SCN11A: variants seen among roughly 807,000 people sequenced by gnomAD.
The protein encoded by SCN11A is sodium voltage-gated channel alpha subunit 11.
A neutral mutation model predicts 162.2 loss-of-function variants in SCN11A; 122 were observed. The ratio of observed to expected loss-of-function variants is 0.75; its 90% CI spans 0.65 to 0.87. The LOEUF (loss-of-function observed/expected upper bound fraction) is 0.87, where lower values mean the gene tolerates loss of function less well. Ranked by LOEUF, SCN11A falls within the 40% of genes least tolerant of loss-of-function variation. The probability of loss-of-function intolerance (pLI) is 0.00; values close to 1 mark genes in which losing one functional copy is unlikely to be tolerated. For missense variants in SCN11A, 2,015 were observed against 2,181.6 expected (o/e 0.92, Z 1.52); for synonymous variants, 758 against 751.5 (o/e 1.01, Z -0.14).
intron 14 of SCN11A, among the ~76,000 whole-genome samples, chr3:38,907,207 T>C (rs1418583403): frequency 6.6e-6 from 1 of 151,784 alleles, no homozygotes; most frequent in Non-Finnish European, 1.5e-5. Flanking sequence ...CCTGTCTTCC[T>C]TAGTGCACAG....
At chr3:38,932,252 G>A (rs553276248) in intron 7 of SCN11A, among the ~76,000 whole-genome samples, 5 of 152,308 alleles carry the variant, frequency 3.3e-5, no homozygotes, top group South Asian at 2.1e-4. Context: ...CAAGATGGCC[G>A]AATAGGAACA....
chr3:38,987,806 G>T (rs1462322090), intron 2 of SCN11A, among the ~76,000 whole-genome samples: 1 of 152,180 alleles, frequency 6.6e-6, no homozygotes, highest in East Asian at 1.9e-4. Context: ...TTGAGGAGAA[G>T]TTTTCTTAAT....
chr3:39,048,105 G>A (rs993411751), intron 1 of SCN11A, among the ~76,000 whole-genome samples: 2 of 152,146 alleles, frequency 1.3e-5, no homozygotes, highest in African/African-American at 2.4e-5. Context: ...GCCAAGATAC[G>A]GAGTTAACCT....
chr3:38,908,219 G>A, intron 13 of SCN11A, 97 bp from the exon 14 acceptor site: 1 of 1,022,486 alleles, frequency 9.8e-7, no homozygotes, highest in South Asian at 1.4e-5. Context: ...TCTCTCTTCT[G>A]GTAGCTCTGT....
intron 2 of SCN11A, among the ~76,000 whole-genome samples, chr3:39,008,359 A>G (rs1371978922): frequency 6.6e-6 from 1 of 152,200 alleles, no homozygotes; most frequent in Admixed American, 6.5e-5. Flanking sequence ...CATTTCACAG[A>G]AAGCTACTGC....
At chr3:38,986,227 A>T (rs1179333345) in intron 2 of SCN11A, among the ~76,000 whole-genome samples, 1 of 150,678 alleles carries the variant, frequency 6.6e-6, no homozygotes, top group Non-Finnish European at 1.5e-5. Flanking sequence ...CCGTCACCAC[A>T]CCATCCACAC....
chr3:38,991,597 C>T (rs2030454037), intron 2 of SCN11A, among the ~76,000 whole-genome samples: 1 of 152,170 alleles, frequency 6.6e-6, no homozygotes, highest in African/African-American at 2.4e-5. Context: ...GGATTTCTGA[C>T]TTTGGATAAA....
chr3:38,961,641 G>T (rs2066741661), intron 2 of SCN11A, among the ~76,000 whole-genome samples: 1 of 152,176 alleles, frequency 6.6e-6, no homozygotes, highest in African/African-American at 2.4e-5. Flanking sequence ...TGTTTGAAAA[G>T]GTAAGAGGAC....
At position 38,933,692 on chromosome 3, in the gene SCN11A, C is replaced by T. The variant is rs1292409812; in HGVS notation, c.489-6761G>A. Among the ~76,000 whole-genome samples, 6 of 152,000 alleles carry T rather than the reference C, an allele frequency of 3.9e-5. No homozygotes were observed. The East Asian group carries it at 7.7e-4, about 20-fold the overall frequency. On this transcript the variant is annotated intron_variant, in intron 7 of 29. Coordinates refer to ENST00000302328, the MANE Select transcript of SCN11A (RefSeq NM_001349253.2). ...TTAGAGAAAAAAGAATAAAAAGAAACGAACAAAGCCTCCAAGAAATATGGG... is the reference window on the plus strand; with the variant it reads ...TTAGAGAAAAAAGAATAAAAAGAAATGAACAAAGCCTCCAAGAAATATGGG...
At chr3:39,031,463 T>C (rs759376094) in intron 2 of SCN11A, among the ~76,000 whole-genome samples, 35 of 150,142 alleles carry the variant, frequency 2.3e-4, no homozygotes, top group Middle Eastern at 3.2e-3. Flanking sequence ...GAGGTGGAGG[T>C]TGCAATGAGC....
Position 38,871,659 on chromosome 3 carries a change from A to G in SCN11A, c.3545T>C (p.Leu1182Ser). 1 of 1,612,926 alleles carries G rather than the reference A, an allele frequency of 6.2e-7. No homozygotes were observed. Among genetic ancestry groups the G allele is most frequent in the Non-Finnish European group, 8.5e-7 (1 of 1,179,334 alleles). The part of the protein sequence containing the change: ...IGAIPAILNV[L>S]LVCLIFWLVF... The stretch of plus-strand genomic sequence containing the variant: ...GAGCCAGAAAATGAGGCAGACAAGC[A>G]AAACATTCAGAATGGCAGGTATGGC... Residue 1182 changes from leucine to serine, a missense_variant, in exon 25 of 30, where the codon TTG becomes TCG. Transcript: ENST00000302328.
At position 38,967,818 on chromosome 3, in the gene SCN11A, T is replaced by C. The variant is rs965216756; in HGVS notation, c.-279-7395A>G. Among the ~76,000 whole-genome samples the C allele has an allele frequency of 2.0e-5, 3 of 152,202 alleles. No individual in the cohort carries two copies. The South Asian group carries it at 6.2e-4, about 31-fold the overall frequency. On this transcript the variant is annotated intron_variant, in intron 2 of 29. Coordinates refer to ENST00000302328, the MANE Select transcript of SCN11A (RefSeq NM_001349253.2). ...TCAAAGGGCTACTCACACATGTCAGTATTCAGCAAAGGCATCAACGCCCAA... is the reference window on the plus strand; with the variant it reads ...TCAAAGGGCTACTCACACATGTCAGCATTCAGCAAAGGCATCAACGCCCAA...
intron 3 of SCN11A, among the ~76,000 whole-genome samples, chr3:38,959,009 T>C (rs1242905897): frequency 6.6e-6 from 1 of 152,236 alleles, no homozygotes; most frequent in African/African-American, 2.4e-5. Flanking sequence ...AAGAGCAAAC[T>C]GATACTGTGA....
At chr3:38,892,802 A>G (rs1430246567) in intron 19 of SCN11A, among the ~76,000 whole-genome samples, 2 of 152,152 alleles carry the variant, frequency 1.3e-5, no homozygotes, top group African/African-American at 4.8e-5. Flanking sequence ...AATCTGAGAT[A>G]GACTCTGATG....
chr3:38,860,019 C>T (rs1241603250), intron 28 of SCN11A, among the ~76,000 whole-genome samples: 1 of 152,084 alleles, frequency 6.6e-6, no homozygotes, highest in Admixed American at 6.6e-5. Flanking sequence ...CTGGATGGAT[C>T]AGCTGACACC....
At position 39,002,892 on chromosome 3, in the gene SCN11A, T is replaced by G. The variant is rs114324389; in HGVS notation, c.-280+29488A>C. ...TGAACTGCTGCAGCTAAGTTCAGTC[T>G]AAATCAGCCAACAAGATCATGTTCT... On this transcript the variant is annotated intron_variant, in intron 2 of 29. Coordinates refer to ENST00000302328, the MANE Select transcript of SCN11A (RefSeq NM_001349253.2). Among the ~76,000 whole-genome samples the G allele has an allele frequency of 4.1e-3, 626 of 152,286 alleles. 9 individuals carry two copies. The highest frequency in any genetic ancestry group is 0.014 in the African/African-American group (595 of 41,526).
At chr3:38,937,558 C>T (rs1311217092) in intron 7 of SCN11A, among the ~76,000 whole-genome samples, 1 of 151,264 alleles carries the variant, frequency 6.6e-6, no homozygotes, top group Non-Finnish European at 1.5e-5. Flanking sequence ...AAAAAGTGGG[C>T]GAAGGACATG....
intron 7 of SCN11A, among the ~76,000 whole-genome samples, chr3:38,940,759 T>C (rs1354520471): frequency 6.6e-6 from 1 of 152,096 alleles, no homozygotes; most frequent in Non-Finnish European, 1.5e-5. Flanking sequence ...CTAGAGAAAG[T>C]GTTTCTAACT....
At chr3:39,050,602 GT>G (rs1192481947) in intron 1 of SCN11A, among the ~76,000 whole-genome samples, 2 of 152,018 alleles carry the variant, frequency 1.3e-5, no homozygotes, top group South Asian at 2.1e-4. Flanking sequence ...AATTTAAGAA[GT>G]ATTTGTCAAG....
Sources: gnomAD v4.1 joint callset for allele counts (sites outside exome capture counted in the v4.1 genomes callset) on GRCh38, gnomAD v4.1.1 for gene constraint, MANE v1.5 for transcripts, NCBI Gene and HGNC (gene_info 2026-07-23, HGNC 2026-07-21) for gene names.